Variants in POLR3C observed in about 807,000 individuals in gnomAD.
POLR3C encodes the protein DNA-directed RNA polymerase III subunit RPC3.
A neutral mutation model predicts 65.9 loss-of-function variants in POLR3C; 44 were observed. The observed-to-expected ratio is 0.67, with a 90% confidence interval of 0.52 to 0.86. The LOEUF is 0.86. POLR3C is among the 40% of genes least tolerant of loss of function. The pLI is 0.00. For missense variants in POLR3C, 576 were observed against 653.2 expected, an observed-to-expected ratio of 0.88 and a Z score of 1.29; for synonymous variants, 263 against 231.6, an observed-to-expected ratio of 1.14 and a Z score of -1.23.
At chr1:145,839,696 A>T in intron 11 of POLR3C, 194 bp from the exon 12 acceptor site, 1 of 531,058 alleles carries the variant, frequency 1.9e-6, no homozygotes, top group Non-Finnish European at 3.3e-6. Context: ...ATGCCACCGC[A>T]CTCCATCCTA....
In POLR3C at chr1:145,838,167, G is replaced by A; in HGVS notation, c.1182G>A (p.Met394Ile). ...TTCCTGCAAAGGAGGCAAAGGATAT[G>A]CTATATAAGATGCTCTCAGAAAATT... is the stretch of plus-strand genomic sequence containing the variant. ...AMIPAKEAKD[M>I]LYKMLSENFM... Residue 394 changes from methionine (M) to isoleucine (I), a missense_variant, in exon 11 of 15, where the codon ATG (methionine) becomes ATA (isoleucine). Transcript: ENST00000334163. 2.5e-6 allele frequency: 4 copies of A among 1,613,946 alleles called. No individual in the cohort carries two copies. Among genetic ancestry groups the A allele is most frequent in the Non-Finnish European group, 2.5e-6 (3 of 1,179,778 alleles).
At chr1:145,834,157 AG>A (rs1259925100) in intron 7 of POLR3C, among the ~76,000 whole-genome samples, 1 of 152,192 alleles carries the variant, frequency 6.6e-6, no homozygotes, top group Non-Finnish European at 1.5e-5. Flanking sequence ...TACTGTAGGC[AG>A]TTGTAACGCA....
At chr1:145,836,673 C>T in intron 8 of POLR3C, 99 bp downstream of exon 8, 3 of 942,934 alleles carry the variant, frequency 3.2e-6, no homozygotes, top group Non-Finnish European at 5.3e-6. Flanking sequence ...CAGAGTTATT[C>T]TCTACCTAGC....
intron 13 of POLR3C, 71 bp from the exon 14 acceptor site, chr1:145,840,851 G>A (rs1370369274): frequency 8.6e-7 from 1 of 1,168,936 alleles, no homozygotes; most frequent in East Asian, 2.4e-5. Flanking sequence ...GGTGGGTAGT[G>A]CCTCAGACAC....
intron 5 of POLR3C, 67 bp downstream of exon 5, chr1:145,828,904 G>T: frequency 1.2e-6 from 1 of 834,024 alleles, no homozygotes; most frequent in East Asian, 2.4e-5. Flanking sequence ...CAGATAACAA[G>T]CCCCAAGAGA....
chr1:145,825,116 T>A (rs1404991206), intron 1 of POLR3C, among the ~76,000 whole-genome samples: 1 of 152,142 alleles, frequency 6.6e-6, no homozygotes, highest in Non-Finnish European at 1.5e-5. Flanking sequence ...TTTTTGTTTT[T>A]TTTTGTTTTG....
Position 145,836,503 on chromosome 1 carries a change from T to TC in POLR3C, c.889dup (p.Leu297ProfsTer6). 1 of 1,590,960 alleles carries TC rather than the reference T, an allele frequency of 6.3e-7. No homozygotes were observed. On this transcript the variant is annotated frameshift_variant, in exon 8 of 15. Transcript: ENST00000334163. LOFTEE classifies it high-confidence loss of function. ...GTCCTTTGCTCCATAGATCTTCAGA[T>TC]CCCTACCTGTTGGCTATAACATCTC...
chr1:145,826,990 A>C lies in POLR3C; in HGVS notation c.574A>C (p.Lys192Gln). ...INEKDMYLVP[K>Q]LSLIGKGKRR... ...TGAAAAGGACATGTACCTGGTTCCT[A>C]AACTCAGCTTGATAGGTAAGGAATT... is the stretch of plus-strand genomic sequence containing the variant. Residue 192 changes from lysine (K) to glutamine (Q), a missense_variant, in exon 4 of 15, where the codon AAA becomes CAA. Coordinates refer to ENST00000334163, the MANE Select transcript of POLR3C (RefSeq NM_006468.8). 1 of 1,609,452 alleles carries C rather than the reference A, an allele frequency of 6.2e-7. No individual in the cohort carries two copies. Among genetic ancestry groups the C allele is most frequent in the Non-Finnish European group, 8.5e-7 (1 of 1,178,740 alleles).
At chr1:145,838,860 A>G (rs1338944963) in intron 11 of POLR3C, among the ~76,000 whole-genome samples, 1 of 152,224 alleles carries the variant, frequency 6.6e-6, no homozygotes, top group African/African-American at 2.4e-5. Flanking sequence ...AGTAGAGCAT[A>G]TGAGTAAATA....
chr1:145,829,203 T>C (rs1651083320), intron 5 of POLR3C, among the ~76,000 whole-genome samples: 1 of 152,166 alleles, frequency 6.6e-6, no homozygotes, highest in African/African-American at 2.4e-5. Context: ...TATAAAGATG[T>C]CAGTAAGCAT....
chr1:145,840,661 C>T (rs1553730249), intron 13 of POLR3C, among the ~76,000 whole-genome samples: 1 of 152,152 alleles, frequency 6.6e-6, no homozygotes, highest in African/African-American at 2.4e-5. Context: ...TTCTAACATG[C>T]TCCCAGTGAA....
At chr1:145,833,871 C>G (rs1363979522) in intron 7 of POLR3C, among the ~76,000 whole-genome samples, 1 of 152,178 alleles carries the variant, frequency 6.6e-6, no homozygotes, top group East Asian at 1.9e-4. Context: ...CCTTGGCATT[C>G]AGGACATTAT....
Position 145,827,002 on chromosome 1 carries a change from A to T in POLR3C, c.586A>T (p.Ile196Leu). The change falls in exon 4 of 15, where the codon ATA (isoleucine) becomes TTA (leucine). Residue 196 changes from isoleucine (I) to leucine (L), a missense_variant. By Grantham distance (5) the Ile-to-Leu change is conservative. Transcript: ENST00000334163. The stretch of plus-strand genomic sequence containing the variant: ...GTACCTGGTTCCTAAACTCAGCTTG[A>T]TAGGTAAGGAATTTTAACCCCTGGA... ...DMYLVPKLSL[I>L]GKGKRRRSSD... 6.2e-7 allele frequency: 1 copy of T among 1,605,428 alleles called. No individual in the cohort carries two copies.
chr1:145,843,988 TCA>T lies in POLR3C; in HGVS notation c.*1569_*1570del. Among the ~76,000 whole-genome samples, 1 of 152,164 alleles carries T rather than the reference TCA, an allele frequency of 6.6e-6. No individual in the cohort carries two copies. The highest frequency in any genetic ancestry group is 2.4e-5 in the African/African-American group (1 of 41,414). ...CAATGAGATAACATCTCACCCCAATTCATTACTTTTATCAAGAAGAAAGAATG... is the reference window on the plus strand; with the variant it reads ...CAATGAGATAACATCTCACCCCAATTTTACTTTTATCAAGAAGAAAGAATG... On this transcript the variant is annotated 3_prime_UTR_variant, in exon 15 of 15. Coordinates refer to ENST00000334163, the MANE Select transcript of POLR3C (RefSeq NM_006468.8).
At position 145,836,564 on chromosome 1, in the gene POLR3C, CAGATGATCCAGTA is replaced by C; in HGVS notation, c.950_957+5del. The C allele has an allele frequency of 6.3e-7, 1 of 1,597,568 alleles. No individual in the cohort carries two copies. ...CTTGATCAGTATCTCACTCTGCTGGCAGATGATCCAGTAAGTCTGTTTTTGCTTTTTTTCTTTT... is the reference window on the plus strand; with the variant it reads ...CTTGATCAGTATCTCACTCTGCTGGCAGTCTGTTTTTGCTTTTTTTCTTTT... On this transcript the variant is annotated splice_donor_variant and splice_donor_region_variant and coding_sequence_variant and intron_variant, in exon 8 of 15. Transcript: ENST00000334163. LOFTEE classifies it high-confidence loss of function.
Position 145,839,898 on chromosome 1 carries a change from C to T in POLR3C, c.1230C>T (p.Pro410=), listed in dbSNP as rs1369775956. Reference sequence around the variant, plus strand: ...TTCTATTGGACAAATAGGAAATTCCCAAAACACCAGACCATGCCCCATCCA... The same window carrying T: ...TTCTATTGGACAAATAGGAAATTCCTAAAACACCAGACCATGCCCCATCCA... The part of the protein sequence containing the change: ...SENFMSLQEI[P]KTPDHAPSRT... Residue 410 remains proline, a synonymous_variant, in exon 12 of 15, where the codon CCC becomes CCT. Coordinates refer to ENST00000334163, the MANE Select transcript of POLR3C (RefSeq NM_006468.8). 3.1e-6 allele frequency: 5 copies of T among 1,589,796 alleles called. No homozygotes were observed. In the African/African-American group the frequency reaches 4.0e-5, roughly 13 times the overall value.
At chr1:145,830,463 G>A (rs1488119226) in intron 5 of POLR3C, among the ~76,000 whole-genome samples, 2 of 152,152 alleles carry the variant, frequency 1.3e-5, no homozygotes, top group African/African-American at 4.8e-5. Flanking sequence ...AGATTATGGA[G>A]AGCAAGGGAC....
In POLR3C at chr1:145,838,176, G is replaced by A. The variant is rs1490678153; in HGVS notation, c.1191G>A (p.Lys397=). Residue 397 remains lysine, a synonymous_variant, in exon 11 of 15, where the codon AAG becomes AAA. Transcript: ENST00000334163. The stretch of plus-strand genomic sequence containing the variant: ...AGGAGGCAAAGGATATGCTATATAA[G>A]ATGCTCTCAGAAAATTTCATGTCAC... The part of the protein sequence containing the change: ...PAKEAKDMLY[K]MLSENFMSLQ... 3.8e-5 allele frequency: 61 copies of A among 1,613,686 alleles called. No homozygotes were observed. The highest frequency in any genetic ancestry group is 5.0e-5 in the Non-Finnish European group (59 of 1,179,732).
chr1:145,825,209 A>C (rs587622611), intron 1 of POLR3C, among the ~76,000 whole-genome samples: 1 of 152,036 alleles, frequency 6.6e-6, no homozygotes, highest in East Asian at 1.9e-4. Context: ...CCCGGCTTCA[A>C]GCGATTCTCC....
Sources: allele counts gnomAD v4.1 joint callset (sites outside exome capture counted in the v4.1 genomes callset), GRCh38; gene constraint gnomAD v4.1.1; transcripts MANE v1.5; gene names NCBI Gene and HGNC (gene_info 2026-07-23, HGNC 2026-07-21).